Variants in SEPTIN14 observed in about 807,000 individuals in gnomAD.
The protein encoded by SEPTIN14 is septin-14.
Under a neutral mutation model 53.6 loss-of-function variants are expected in SEPTIN14, and 40 were observed. The observed-to-expected ratio is 0.75, with a 90% confidence interval of 0.58 to 0.97. SEPTIN14 has a LOEUF of 0.97. Ranked by LOEUF, SEPTIN14 falls within the 50% of genes least tolerant of loss-of-function variation. The probability of loss-of-function intolerance (pLI) is 0.00; values close to 1 mark genes in which losing one functional copy is unlikely to be tolerated. For missense variants in SEPTIN14, 471 were observed against 508.2 expected (o/e 0.93, Z 0.70); for synonymous variants, 138 against 166.8 (o/e 0.83, Z 1.33).
At chr7:55,853,777 C>A (rs1392335113) in intron 2 of SEPTIN14, among the ~76,000 whole-genome samples, 1 of 152,084 alleles carries the variant, frequency 6.6e-6, no homozygotes, top group African/African-American at 2.4e-5. Flanking sequence ...CAAAATATCT[C>A]ATATGCCCCA....
chr7:55,848,642 G>T lies in SEPTIN14; in HGVS notation c.55-2005C>A, dbSNP rs190650707. Reference sequence around the variant, plus strand: ...TTTTTTTTTTTTGAGACGGAGTCTCGCTCTGTCGCCCAGGCTGCAGTGCAG... The same window carrying T: ...TTTTTTTTTTTTGAGACGGAGTCTCTCTCTGTCGCCCAGGCTGCAGTGCAG... On this transcript the variant is annotated intron_variant, in intron 2 of 9. Coordinates refer to ENST00000388975, the MANE Select transcript of SEPTIN14 (RefSeq NM_207366.3). Among the ~76,000 whole-genome samples, 420 of 133,724 alleles carry T rather than the reference G, an allele frequency of 3.1e-3. 5 individuals are homozygous for T. The highest frequency in any genetic ancestry group is 0.015 in the Middle Eastern group (3 of 202). 87.7% of individuals were successfully genotyped at this position (133,724 alleles called of 152,430 possible).
intron 9 of SEPTIN14, among the ~76,000 whole-genome samples, chr7:55,804,485 C>T (rs915056306): frequency 2.0e-5 from 3 of 152,006 alleles, no homozygotes; most frequent in African/African-American, 4.8e-5. Context: ...TCTTGAACTC[C>T]TGGCTTTAGG....
chr7:55,854,808 A>G (rs1443050632), intron 2 of SEPTIN14, among the ~76,000 whole-genome samples: 1 of 152,212 alleles, frequency 6.6e-6, no homozygotes, highest in Non-Finnish European at 1.5e-5. Context: ...ATATTGAAAA[A>G]AGGTAGAAAA....
chr7:55,819,266 T>A (rs771242346), intron 6 of SEPTIN14, 43 bp from the exon 7 acceptor site: 8 of 1,282,368 alleles, frequency 6.2e-6, no homozygotes. Flanking sequence ...CTAGCACCAT[T>A]AGAGCTTACT....
chr7:55,843,361 G>T (rs1209022360), intron 4 of SEPTIN14, among the ~76,000 whole-genome samples: 1 of 151,970 alleles, frequency 6.6e-6, no homozygotes, highest in Non-Finnish European at 1.5e-5. Context: ...ATCCGACAGG[G>T]GACTAGTATC....
intron 9 of SEPTIN14, chr7:55,798,615 G>A (rs1044015748): frequency 5.0e-5 from 18 of 360,898 alleles, no homozygotes; most frequent in Admixed American, 1.8e-4. Flanking sequence ...GACCACATCC[G>A]GCAGCCCGTG....
intron 7 of SEPTIN14, among the ~76,000 whole-genome samples, chr7:55,812,312 A>G (rs1788716975): frequency 6.6e-6 from 1 of 152,186 alleles, no homozygotes; most frequent in Non-Finnish European, 1.5e-5. Flanking sequence ...ACATTATGCT[A>G]AGAGAAATAA....
chr7:55,828,099 A>T (rs1055451899), intron 6 of SEPTIN14, among the ~76,000 whole-genome samples: 6 of 152,092 alleles, frequency 3.9e-5, no homozygotes, highest in African/African-American at 1.4e-4. Flanking sequence ...CCTAACCAAA[A>T]TGAAAATTCT....
chr7:55,842,122 T>G (rs929182606), intron 5 of SEPTIN14, among the ~76,000 whole-genome samples: 2 of 152,182 alleles, frequency 1.3e-5, no homozygotes, highest in Non-Finnish European at 2.9e-5. Context: ...TGTCCAGGTT[T>G]GTAGCCTAGG....
At chr7:55,856,070 G>C (rs1270365996) in intron 2 of SEPTIN14, among the ~76,000 whole-genome samples, 1 of 152,090 alleles carries the variant, frequency 6.6e-6, no homozygotes, top group East Asian at 1.9e-4. Flanking sequence ...TGAATGTGCT[G>C]AGTTGGGGGT....
At chr7:55,811,606 A>T (rs956772890) in intron 7 of SEPTIN14, among the ~76,000 whole-genome samples, 6 of 137,238 alleles carry the variant, frequency 4.4e-5, no homozygotes, top group Non-Finnish European at 4.5e-5. Flanking sequence ...GGTTCAAGTG[A>T]TTCTCCTGCC....
At chr7:55,857,431 GAAGA>G (rs1789652505) in intron 2 of SEPTIN14, among the ~76,000 whole-genome samples, 1 of 132,908 alleles carries the variant, frequency 7.5e-6, no homozygotes, top group Non-Finnish European at 1.6e-5. Flanking sequence ...AGAGAGAAGA[GAAGA>G]GAGAAAAGGA....
chr7:55,855,254 C>T (rs1382882504), intron 2 of SEPTIN14, among the ~76,000 whole-genome samples: 1 of 152,162 alleles, frequency 6.6e-6, no homozygotes, highest in African/African-American at 2.4e-5. Flanking sequence ...ATGATCCACC[C>T]GCTTCGGCCT....
intron 5 of SEPTIN14, among the ~76,000 whole-genome samples, chr7:55,835,255 T>C (rs529632458): frequency 6.6e-6 from 1 of 151,892 alleles, no homozygotes; most frequent in African/African-American, 2.4e-5. Flanking sequence ...GGCTCTGGAG[T>C]GCAGTAGCGC....
At chr7:55,856,827 C>G (rs1789636447) in intron 2 of SEPTIN14, among the ~76,000 whole-genome samples, 2 of 152,018 alleles carry the variant, frequency 1.3e-5, no homozygotes, top group African/African-American at 4.8e-5. Flanking sequence ...AATCCCAACA[C>G]TTCAGGAGGC....
At chr7:55,825,612 C>G (rs1788968773) in intron 6 of SEPTIN14, among the ~76,000 whole-genome samples, 1 of 152,078 alleles carries the variant, frequency 6.6e-6, no homozygotes, top group South Asian at 2.1e-4. Flanking sequence ...TCTGTTCTTT[C>G]CACTCAATTT....
chr7:55,853,478 A>G (rs1789554026), intron 2 of SEPTIN14, among the ~76,000 whole-genome samples: 1 of 152,196 alleles, frequency 6.6e-6, no homozygotes. Flanking sequence ...AAAAATTAAA[A>G]CAATTGAACT....
chr7:55,804,299 G>A (rs1224911201), intron 9 of SEPTIN14, among the ~76,000 whole-genome samples: 24 of 146,218 alleles, frequency 1.6e-4, no homozygotes, highest in Admixed American at 1.4e-3. Context: ...TCTCACTCTC[G>A]CCCAGGCTGG....
intron 2 of SEPTIN14, among the ~76,000 whole-genome samples, chr7:55,847,546 G>A (rs1789436013): frequency 6.6e-6 from 1 of 151,910 alleles, no homozygotes; most frequent in Admixed American, 6.6e-5. Flanking sequence ...GCCTACAGTT[G>A]GGCAAAATCA....
Sources: allele counts gnomAD v4.1 joint callset (sites outside exome capture counted in the v4.1 genomes callset), GRCh38; gene constraint gnomAD v4.1.1; transcripts MANE v1.5; gene names NCBI Gene and HGNC (gene_info 2026-07-23, HGNC 2026-07-21).